The following PAFAH1B2 variants were observed in gnomAD, a reference collection of about 807,000 sequenced individuals.
PAFAH1B2 encodes the protein platelet-activating factor acetylhydrolase IB subunit alpha2.
A neutral mutation model predicts 28.0 loss-of-function variants in PAFAH1B2; 8 were observed. That is an observed-to-expected ratio of 0.29 (90% CI 0.17 to 0.52). The LOEUF is 0.52. Ranked by LOEUF, PAFAH1B2 falls within the 20% of genes least tolerant of loss-of-function variation. PAFAH1B2 has a pLI of 0.97. For missense variants in PAFAH1B2, 190 were observed against 282.6 expected (o/e 0.67, Z 2.35); for synonymous variants, 104 against 103.2 (o/e 1.01, Z -0.05).
At chr11:117,156,596 G>A (rs1371882518) in intron 2 of PAFAH1B2, among the ~76,000 whole-genome samples, 1 of 152,158 alleles carries the variant, frequency 6.6e-6, no homozygotes, top group African/African-American at 2.4e-5. Flanking sequence ...TTATAGATGT[G>A]TTGTTTTGGT....
At chr11:117,148,716 A>T (rs1039549681) in intron 1 of PAFAH1B2, among the ~76,000 whole-genome samples, 2 of 152,112 alleles carry the variant, frequency 1.3e-5, no homozygotes, top group Non-Finnish European at 2.9e-5. Flanking sequence ...TAAGCCTAGG[A>T]GTTTGAATCC....
downstream of PAFAH1B2, among the ~76,000 whole-genome samples, chr11:117,173,568 C>T (rs569017329): frequency 2.0e-5 from 3 of 152,142 alleles, no homozygotes; most frequent in East Asian, 1.9e-4. Context: ...GCCTCAAACA[C>T]GTAGCCTCGC....
chr11:117,146,403 C>T (rs1231954821), intron 1 of PAFAH1B2, among the ~76,000 whole-genome samples: 6 of 151,984 alleles, frequency 3.9e-5, no homozygotes, highest in African/African-American at 7.3e-5. Flanking sequence ...CAGAAGTTTG[C>T]GTCTTACCAC....
rs150627380 is a variant in PAFAH1B2 at position 117,170,626 on chromosome 11, T to TAAAAA, written c.*2944_*2948dup. The TAAAAA allele has an allele frequency of 2.1e-6, 2 of 948,870 alleles. No individual in the cohort carries two copies. The highest frequency in any genetic ancestry group is 2.5e-6 in the Non-Finnish European group (2 of 800,676). The allele number at this position is 948,870 out of a possible 1,614,324, so 58.8% of individuals were successfully genotyped here. On this transcript the variant is annotated 3_prime_UTR_variant, in exon 6 of 6. Coordinates refer to ENST00000527958, the MANE Select transcript of PAFAH1B2 (RefSeq NM_002572.4). ...CCGGCTCTTAGGAATTTTGTCTGTT[T>TAAAAA]AAAAAAAAAAAAAAAAAAAAAGTCC...
At chr11:117,177,035 C>T (rs566066614), downstream of PAFAH1B2, 1 of 152,148 alleles carries the variant, frequency 6.6e-6, no homozygotes, top group East Asian at 1.9e-4. Flanking sequence ...TGGTGAAACC[C>T]CGTCTCTACC....
Position 117,168,131 on chromosome 11 carries a change from A to G in PAFAH1B2, c.*432A>G, listed in dbSNP as rs1302205016. The G allele has an allele frequency of 2.1e-5, 22 of 1,052,724 alleles. No homozygotes were observed. The South Asian group carries it at 7.8e-4, about 37-fold the overall frequency. The allele number at this position is 1,052,724 out of a possible 1,614,324, so 65.2% of individuals were successfully genotyped here. ...GTTTTCTCCAATTTTTTTAAGGTTCATAATTTAGCCTTTTGTTTTTATGTT... is the reference window on the plus strand; with the variant it reads ...GTTTTCTCCAATTTTTTTAAGGTTCGTAATTTAGCCTTTTGTTTTTATGTT... On this transcript the variant is annotated 3_prime_UTR_variant, in exon 6 of 6. Coordinates refer to ENST00000527958, the MANE Select transcript of PAFAH1B2 (RefSeq NM_002572.4).
intron 4 of PAFAH1B2, 27 bp from the exon 5 acceptor site, chr11:117,163,743 C>T (rs1372286671): frequency 2.5e-6 from 4 of 1,610,490 alleles, no homozygotes; most frequent in African/African-American, 1.3e-5. Context: ...TTATCTTCTC[C>T]TTCCCCCCTT....
At position 117,144,313 on chromosome 11, in the gene PAFAH1B2, CG is replaced by C. The variant is rs1338207576; in HGVS notation, c.-111del. 2.5e-6 allele frequency: 1 copy of C among 393,510 alleles called. No individual in the cohort carries two copies. Among genetic ancestry groups the C allele is most frequent in the Admixed American group, 2.7e-5 (1 of 37,510 alleles). The allele number at this position is 393,510 out of a possible 1,614,324, so 24.4% of individuals were successfully genotyped here. Reference sequence around the variant, plus strand: ...GAGGAGCTGCTGCTGGTGCTGGGGCCGGAGGAGGGACGCGCCGGAGCGGGAC... The same window carrying C: ...GAGGAGCTGCTGCTGGTGCTGGGGCCGAGGAGGGACGCGCCGGAGCGGGAC... On this transcript the variant is annotated 5_prime_UTR_variant, in exon 1 of 6. Transcript: ENST00000527958.
chr11:117,152,538 A>G lies in PAFAH1B2; in HGVS notation c.81+10A>G, dbSNP rs766795717. 3 of 1,576,384 alleles carry G rather than the reference A, an allele frequency of 1.9e-6. No homozygotes were observed. The highest frequency in any genetic ancestry group is 1.7e-6 in the Non-Finnish European group (2 of 1,145,502). On this transcript the variant is annotated intron_variant, in intron 2 of 5. Coordinates refer to ENST00000527958, the MANE Select transcript of PAFAH1B2 (RefSeq NM_002572.4). ...CCGATGGATGTCTCAGGTAAAAGGA[A>G]GTGCATGTGTATCATTCACATGAGT...
intron 2 of PAFAH1B2, among the ~76,000 whole-genome samples, chr11:117,157,578 C>T (rs1444772542): frequency 6.6e-6 from 1 of 152,206 alleles, no homozygotes; most frequent in Non-Finnish European, 1.5e-5. Context: ...TAAATAGTAA[C>T]TCTTCCTTAA....
chr11:117,175,236 C>T, downstream of PAFAH1B2: 1 of 1,089,912 alleles, frequency 9.2e-7, no homozygotes. Context: ...GCCAGGATCA[C>T]ATCCCTGAGG....
At chr11:117,145,738 G>A (rs1955989023) in intron 1 of PAFAH1B2, among the ~76,000 whole-genome samples, 1 of 152,180 alleles carries the variant, frequency 6.6e-6, no homozygotes, top group Admixed American at 6.6e-5. Flanking sequence ...CTGAAACAAA[G>A]TGGAGAGTCT....
chr11:117,165,704 AT>A (rs1265747092), intron 5 of PAFAH1B2, among the ~76,000 whole-genome samples: 4 of 152,210 alleles, frequency 2.6e-5, no homozygotes, highest in Non-Finnish European at 5.9e-5. Flanking sequence ...GAAGGAAGGT[AT>A]TATAGAAAAA....
In PAFAH1B2 at chr11:117,160,029, G is replaced by A. The variant is rs747657194; in HGVS notation, c.171+6G>A. The A allele has an allele frequency of 6.3e-7, 1 of 1,598,918 alleles. No homozygotes were observed. The highest frequency in any genetic ancestry group is 1.1e-5 in the South Asian group (1 of 90,814). ...AGTTAATGCAGCAATATGAGGTAAA[G>A]GTGGAAGGGATGAGCGTGGTTCTTG... On this transcript the variant is annotated splice_donor_region_variant and intron_variant, in intron 3 of 5. Coordinates refer to ENST00000527958, the MANE Select transcript of PAFAH1B2 (RefSeq NM_002572.4).
rs976807215 is a variant in PAFAH1B2, at chr11:117,169,883, C to T, written c.*2184C>T. ...TCCAAATAAATCCATTAGGTTACTC[C>T]TGCAGCATGCGCTTTTAGCTTCTCT... On this transcript the variant is annotated 3_prime_UTR_variant, in exon 6 of 6. Coordinates refer to ENST00000527958, the MANE Select transcript of PAFAH1B2 (RefSeq NM_002572.4). 9 of 1,054,626 alleles carry T rather than the reference C, an allele frequency of 8.5e-6. No individual in the cohort carries two copies. In the African/African-American group the frequency reaches 1.5e-4, roughly 17 times the overall value. 65.3% of individuals were successfully genotyped at this position (1,054,626 alleles called of 1,614,324 possible).
In PAFAH1B2 at chr11:117,167,908, T is replaced by G. The variant is rs1406355768; in HGVS notation, c.*209T>G. On this transcript the variant is annotated 3_prime_UTR_variant, in exon 6 of 6. Coordinates refer to ENST00000527958, the MANE Select transcript of PAFAH1B2 (RefSeq NM_002572.4). ...AGGAGAAAAATTAGCCAAGGAAGAT[T>G]GTTGTTTAAATTCATTTGAAACCAG... 2 of 1,189,106 alleles carry G rather than the reference T, an allele frequency of 1.7e-6. No individual in the cohort carries two copies. The highest frequency in any genetic ancestry group is 4.5e-5 in the Admixed American group (1 of 22,238). 73.7% of individuals were successfully genotyped at this position (1,189,106 alleles called of 1,614,324 possible). A position where few individuals can be genotyped will look rare whatever the true frequency, so the allele number is the denominator to read the frequency against.
downstream of PAFAH1B2, chr11:117,176,030 CTT>C: frequency 3.1e-6 from 3 of 978,958 alleles, no homozygotes; most frequent in South Asian, 2.7e-5. Flanking sequence ...GAAGAAACCT[CTT>C]TTGCCATCCT....
At chr11:117,163,160 A>G (rs1011793255) in intron 4 of PAFAH1B2, among the ~76,000 whole-genome samples, 1 of 151,826 alleles carries the variant, frequency 6.6e-6, no homozygotes, top group Non-Finnish European at 1.5e-5. Context: ...GATAGGAGGC[A>G]TAAATCGATG....
chr11:117,148,234 G>C (rs1432817308), intron 1 of PAFAH1B2, among the ~76,000 whole-genome samples: 2 of 151,812 alleles, frequency 1.3e-5, no homozygotes, highest in African/African-American at 4.8e-5. Context: ...TGTATTTTTA[G>C]TGGAGACAGG....
Sources: gnomAD v4.1 joint callset for allele counts (sites outside exome capture counted in the v4.1 genomes callset) on GRCh38, gnomAD v4.1.1 for gene constraint, MANE v1.5 for transcripts, NCBI Gene and HGNC (gene_info 2026-07-23, HGNC 2026-07-21) for gene names.